Variants in ZDHHC14 observed in about 807,000 individuals in gnomAD.
ZDHHC14 encodes palmitoyltransferase ZDHHC14.
Under a neutral mutation model 47.7 loss-of-function variants are expected in ZDHHC14, and 16 were observed. The ratio of observed to expected loss-of-function variants is 0.34; its 90% CI spans 0.23 to 0.51. The LOEUF (loss-of-function observed/expected upper bound fraction) is 0.51. Among genes scored for constraint, ZDHHC14 ranks in the 20% least tolerant of loss-of-function variants. ZDHHC14 has a pLI of 0.97. For missense variants in ZDHHC14, 515 were observed against 662.5 expected (o/e 0.78, Z 2.44); for synonymous variants, 293 against 278.9 (o/e 1.05, Z -0.50).
Position 157,382,146 on chromosome 6 carries a change from T to A in ZDHHC14, c.125T>A (p.Val42Glu). 2 of 1,612,394 alleles carry A rather than the reference T, an allele frequency of 1.2e-6. No individual in the cohort carries two copies. Among genetic ancestry groups the A allele is most frequent in the South Asian group, 1.1e-5 (1 of 90,968 alleles). The change falls in exon 1 of 9, where the codon GTG becomes GAG. Residue 42 changes from valine (V) to glutamate (E), a missense_variant. Coordinates refer to ENST00000359775, the MANE Select transcript of ZDHHC14 (RefSeq NM_024630.3). ...ATCGCGGCCCGGAGGAAATGGGAGG[T>A]GTTCCCGGGAAGAAACAAGTTCTTC... The part of the protein sequence containing the change: ...KKIAARRKWE[V>E]FPGRNKFFCN...
At chr6:157,385,173 T>G (rs1777287039) in intron 1 of ZDHHC14, among the ~76,000 whole-genome samples, 1 of 152,050 alleles carries the variant, frequency 6.6e-6, no homozygotes, top group Admixed American at 6.5e-5. Context: ...ACTGTAGCCT[T>G]GACCGCCGAG....
chr6:157,485,884 G>A (rs1779766853), intron 1 of ZDHHC14, among the ~76,000 whole-genome samples: 1 of 152,046 alleles, frequency 6.6e-6, no homozygotes, highest in African/African-American at 2.4e-5. Context: ...GTGGTAGCAC[G>A]TGCCTGTAAT....
In ZDHHC14 at chr6:157,558,281, T is replaced by C. The variant is rs542487168; in HGVS notation, c.406+15536T>C. Among the ~76,000 whole-genome samples the C allele has an allele frequency of 9.2e-5, 14 of 152,134 alleles. 1 individual carries two copies. The South Asian group carries it at 1.9e-3, about 20-fold the overall frequency. On this transcript the variant is annotated intron_variant, in intron 2 of 8. Transcript: ENST00000359775. ...TCCCAGAAATGGCTGATAATTACTC[T>C]GAGCCAGGTGACATTCATGTCCCCC...
chr6:157,565,258 T>C (rs1163867545), intron 2 of ZDHHC14, among the ~76,000 whole-genome samples: 1 of 151,776 alleles, frequency 6.6e-6, no homozygotes, highest in Non-Finnish European at 1.5e-5. Context: ...AAAAAAAGAG[T>C]ATTTGAATAA....
At chr6:157,538,616 T>C (rs1016218450) in intron 1 of ZDHHC14, among the ~76,000 whole-genome samples, 20 of 152,216 alleles carry the variant, frequency 1.3e-4, no homozygotes, top group Non-Finnish European at 1.5e-5. Context: ...CTCCAGGACT[T>C]TTAATCTAGT....
intron 5 of ZDHHC14, among the ~76,000 whole-genome samples, chr6:157,636,666 G>A (rs953341295): frequency 2.0e-5 from 3 of 152,192 alleles, no homozygotes; most frequent in African/African-American, 4.8e-5. Flanking sequence ...ATTCCCCCTG[G>A]AGAAAAGTGG....
intron 7 of ZDHHC14, 135 bp downstream of exon 7, chr6:157,647,503 C>A: frequency 1.7e-6 from 1 of 579,742 alleles, no homozygotes; most frequent in Admixed American, 3.1e-5. Context: ...TGGATGTGGC[C>A]TTCGTGAAAT....
chr6:157,528,461 G>A (rs1012193941), intron 1 of ZDHHC14, among the ~76,000 whole-genome samples: 3 of 151,962 alleles, frequency 2.0e-5, no homozygotes, highest in African/African-American at 7.3e-5. Context: ...GGTGGGCGCA[G>A]TGGCTCACAC....
At chr6:157,610,567 C>T (rs532795494) in intron 3 of ZDHHC14, among the ~76,000 whole-genome samples, 3 of 152,162 alleles carry the variant, frequency 2.0e-5, no homozygotes, top group African/African-American at 2.4e-5. Flanking sequence ...CTGAGAGTCT[C>T]AACAGCCCCT....
At chr6:157,384,653 C>G (rs1210085245) in intron 1 of ZDHHC14, among the ~76,000 whole-genome samples, 1 of 152,222 alleles carries the variant, frequency 6.6e-6, no homozygotes, top group African/African-American at 2.4e-5. Context: ...AAATCAGAGG[C>G]TATTCGAGCT....
chr6:157,411,513 A>G (rs777847365), intron 1 of ZDHHC14, among the ~76,000 whole-genome samples: 2 of 152,348 alleles, frequency 1.3e-5, no homozygotes, highest in South Asian at 2.1e-4. Flanking sequence ...TCATTGCCCT[A>G]TGCAGCCAAC....
At chr6:157,577,858 G>C (rs1783365055) in intron 2 of ZDHHC14, among the ~76,000 whole-genome samples, 1 of 152,172 alleles carries the variant, frequency 6.6e-6, no homozygotes, top group South Asian at 2.1e-4. Context: ...GCCTGCATCT[G>C]TTATTTTTTT....
intron 1 of ZDHHC14, among the ~76,000 whole-genome samples, chr6:157,493,435 C>G (rs1355498807): frequency 1.3e-5 from 2 of 152,206 alleles, no homozygotes; most frequent in Admixed American, 6.5e-5. Context: ...ACAGAGGGAG[C>G]CTTCCTCCAG....
chr6:157,393,666 A>G (rs574470456), intron 1 of ZDHHC14, among the ~76,000 whole-genome samples: 1 of 152,132 alleles, frequency 6.6e-6, no homozygotes, highest in Admixed American at 6.5e-5. Flanking sequence ...CTCTCATAAG[A>G]TCTCTCCTAA....
Position 157,433,179 on chromosome 6 carries a change from C to T in ZDHHC14, c.245+50913C>T, listed in dbSNP as rs538064899. 9.8e-5 allele frequency among the ~76,000 whole-genome samples: 15 copies of T among 152,338 alleles called. 1 individual carries two copies. In the South Asian group the frequency reaches 3.1e-3, roughly 32 times the overall value. On this transcript the variant is annotated intron_variant, in intron 1 of 8. Coordinates refer to ENST00000359775, the MANE Select transcript of ZDHHC14 (RefSeq NM_024630.3). ...GGCATGAAACCGAGCACAGTGCTGG[C>T]ACGATCACTCTATTTCTTGAGACTT...
intron 1 of ZDHHC14, among the ~76,000 whole-genome samples, chr6:157,461,682 A>G (rs749771011): frequency 2.6e-5 from 4 of 152,190 alleles, no homozygotes; most frequent in Admixed American, 1.3e-4. Flanking sequence ...TAGATAGGAA[A>G]TAAAAAGCAG....
In ZDHHC14 at chr6:157,382,238, G is replaced by A. The variant is rs1177049734; in HGVS notation, c.217G>A (p.Val73Ile). The A allele has an allele frequency of 1.2e-6, 2 of 1,611,614 alleles. No individual in the cohort carries two copies. The highest frequency in any genetic ancestry group is 1.7e-5 in the Admixed American group (1 of 59,600). The change falls in exon 1 of 9, where the codon GTC (valine) becomes ATC (isoleucine). Residue 73 changes from valine (V) to isoleucine (I), a missense_variant. Val to Ile is a conservative substitution (Grantham distance 29). This residue lies in a region of ZDHHC14 where 229 missense variants were observed against 351.5 expected (regional missense o/e 0.65). Transcript: ENST00000359775. The stretch of plus-strand genomic sequence containing the variant: ...CTACCTGACGCTCGTCCTCATCCTG[G>A]TCACTAGCGGACTCTTCTTCGCCTT... Reference protein sequence around the residue: ...VFYLTLVLILVTSGLFFAFDC... With the variant: ...VFYLTLVLILITSGLFFAFDC...
rs1251917757 is a variant in ZDHHC14 at position 157,381,923 on chromosome 6, G to A, written c.-99G>A. 55 of 963,106 alleles carry A rather than the reference G, an allele frequency of 5.7e-5. No homozygotes were observed. Among genetic ancestry groups the A allele is most frequent in the Non-Finnish European group, 6.4e-5 (52 of 813,332 alleles). The allele number at this position is 963,106 out of a possible 1,614,324, so 59.7% of individuals were successfully genotyped here. On this transcript the variant is annotated 5_prime_UTR_variant, in exon 1 of 9. Transcript: ENST00000359775. ...TGTAGGGGCCGCGGCGCCGCGGCTC[G>A]GGGGGCGGCCGGGCGGCCGGCGGCG...
intron 2 of ZDHHC14, among the ~76,000 whole-genome samples, chr6:157,570,802 T>TACAC (rs1362049544): frequency 6.6e-6 from 1 of 150,494 alleles, no homozygotes; most frequent in Non-Finnish European, 1.5e-5. Context: ...CACATATATA[T>TACAC]ACACACACAC....
Sources: allele counts gnomAD v4.1 joint callset (sites outside exome capture counted in the v4.1 genomes callset), GRCh38; gene constraint gnomAD v4.1.1; regional missense constraint gnomAD v4.1.1; transcripts MANE v1.5; gene names NCBI Gene and HGNC (gene_info 2026-07-23, HGNC 2026-07-21).